Variants in NIPBL observed in about 807,000 individuals in gnomAD.
The protein encoded by NIPBL is NIPBL cohesin loading factor.
Under a neutral mutation model 321.8 loss-of-function variants are expected in NIPBL, and 19 were observed. The ratio of observed to expected loss-of-function variants is 0.06; its 90% CI spans 0.04 to 0.09. The LOEUF (loss-of-function observed/expected upper bound fraction) is 0.09. NIPBL is among the 10% of genes least tolerant of loss of function. The pLI is 1.00. For synonymous variants in NIPBL, 1,106 were observed against 1,114.1 expected (o/e 0.99, Z 0.14); for missense variants, 2,210 against 3,327.0 (o/e 0.66, Z 8.26).
chr5:36,975,130 TAAA>T (rs1214127915), intron 8 of NIPBL, among the ~76,000 whole-genome samples: 1 of 152,002 alleles, frequency 6.6e-6, no homozygotes, highest in African/African-American at 2.4e-5. Flanking sequence ...ATTTTTCTAA[TAAA>T]AAGAGGATTA....
At chr5:36,964,334 A>G (rs566325628) in intron 6 of NIPBL, among the ~76,000 whole-genome samples, 13 of 152,152 alleles carry the variant, frequency 8.5e-5, no homozygotes, top group Non-Finnish European at 1.6e-4. Context: ...GCATCACACT[A>G]CCTGACTTAA....
intron 1 of NIPBL, among the ~76,000 whole-genome samples, chr5:36,923,117 A>T (rs1749078127): frequency 6.6e-6 from 1 of 151,992 alleles, no homozygotes; most frequent in Non-Finnish European, 1.5e-5. Context: ...AAAATTACAA[A>T]ATTTTTGTAA....
intron 16 of NIPBL, among the ~76,000 whole-genome samples, chr5:37,004,056 T>C (rs919588416): frequency 6.6e-6 from 1 of 152,196 alleles, no homozygotes; most frequent in Admixed American, 6.5e-5. Context: ...CATTACTCCT[T>C]ATATACCGTT....
intron 1 of NIPBL, among the ~76,000 whole-genome samples, chr5:36,923,242 G>C (rs931075024): frequency 6.6e-5 from 10 of 151,622 alleles, no homozygotes; most frequent in Admixed American, 6.6e-4. Context: ...GGAGGTGGAG[G>C]TTGCAGTGAG....
intron 34 of NIPBL, among the ~76,000 whole-genome samples, chr5:37,043,017 T>G (rs534143776): frequency 2.7e-4 from 41 of 151,870 alleles, no homozygotes; most frequent in African/African-American, 9.4e-4. Context: ...TACCTTTTGG[T>G]TTTTTTTAAA....
chr5:37,014,171 C>A (rs1346798460), intron 21 of NIPBL, among the ~76,000 whole-genome samples: 1 of 151,948 alleles, frequency 6.6e-6, no homozygotes, highest in Non-Finnish European at 1.5e-5. Context: ...CGTCCAGCTT[C>A]GGCTCGGCAT....
At chr5:36,903,667 A>G (rs2149537038) in intron 1 of NIPBL, among the ~76,000 whole-genome samples, 2 of 152,296 alleles carry the variant, frequency 1.3e-5, no homozygotes, top group African/African-American at 4.8e-5. Context: ...TTGTAGATAA[A>G]TGATGGAGAA....
chr5:37,046,311 G>A (rs2149734008), intron 38 of NIPBL, 112 bp downstream of exon 38: 1 of 703,900 alleles, frequency 1.4e-6, no homozygotes, highest in Non-Finnish European at 2.5e-6. Context: ...ATTAGCAGTA[G>A]GATTTGGTGT....
intron 1 of NIPBL, among the ~76,000 whole-genome samples, chr5:36,896,241 A>G (rs890647536): frequency 6.6e-6 from 1 of 152,210 alleles, no homozygotes; most frequent in Non-Finnish European, 1.5e-5. Context: ...TTGAATGTAA[A>G]TTTAAGAGTT....
intron 20 of NIPBL, among the ~76,000 whole-genome samples, chr5:37,009,704 T>C (rs749066390): frequency 6.6e-6 from 1 of 152,212 alleles, no homozygotes. Context: ...CAGATTTTAA[T>C]ACCAAATGAA....
intron 1 of NIPBL, among the ~76,000 whole-genome samples, chr5:36,881,581 GC>G (rs1329916524): frequency 6.6e-6 from 1 of 151,870 alleles, no homozygotes; most frequent in African/African-American, 2.4e-5. Flanking sequence ...TTAGAAAACT[GC>G]CCATGGTCCT....
intron 1 of NIPBL, among the ~76,000 whole-genome samples, chr5:36,952,161 T>A (rs1230676526): frequency 6.6e-6 from 1 of 151,718 alleles, no homozygotes; most frequent in East Asian, 1.9e-4. Flanking sequence ...AATTCTTAGT[T>A]TTAACTACCC....
At chr5:36,999,224 G>A (rs1746505932) in intron 11 of NIPBL, among the ~76,000 whole-genome samples, 1 of 152,170 alleles carries the variant, frequency 6.6e-6, no homozygotes, top group African/African-American at 2.4e-5. Context: ...CCAAGTAGGG[G>A]ACTTAAGCAA....
chr5:37,057,083 A>T, intron 42 of NIPBL, 103 bp from the exon 43 acceptor site: 1 of 1,109,600 alleles, frequency 9.0e-7, no homozygotes, highest in Middle Eastern at 2.6e-4. Context: ...TCTGTCTAAC[A>T]TTAAGTGAGG....
At chr5:37,007,757 G>A (rs1046580571) in intron 18 of NIPBL, among the ~76,000 whole-genome samples, 3 of 151,878 alleles carry the variant, frequency 2.0e-5, no homozygotes, top group Non-Finnish European at 4.4e-5. Flanking sequence ...ATATTCCTGT[G>A]ACATTTGTAA....
intron 16 of NIPBL, 136 bp from the exon 17 acceptor site, chr5:37,006,221 C>T: frequency 1.5e-6 from 1 of 660,340 alleles, no homozygotes; most frequent in Non-Finnish European, 2.7e-6. Flanking sequence ...ATTTGTACCT[C>T]ATTCTGGATA....
At chr5:36,915,248 C>G (rs1748370870) in intron 1 of NIPBL, among the ~76,000 whole-genome samples, 2 of 151,996 alleles carry the variant, frequency 1.3e-5, no homozygotes, top group Non-Finnish European at 2.9e-5. Context: ...AGTAACATGT[C>G]TCTAAGATAT....
chr5:36,981,813 A>G (rs1010346347), intron 9 of NIPBL, among the ~76,000 whole-genome samples: 1 of 151,774 alleles, frequency 6.6e-6, no homozygotes, highest in Non-Finnish European at 1.5e-5. Flanking sequence ...TTCTTGCACT[A>G]TAGCCCTTGT....
rs186897201 is a variant in NIPBL, at chr5:37,021,037, G to A, written c.5328+160G>A. ...TCTCCGGCCGGGTGTAGTGGCTCAC[G>A]CCTGTAATCCCAACACTTTGGGAAG... On this transcript the variant is annotated intron_variant, in intron 27 of 46. Transcript: ENST00000282516. Among the ~76,000 whole-genome samples, 23 of 152,348 alleles carry A rather than the reference G, an allele frequency of 1.5e-4. No homozygotes were observed. The East Asian group carries it at 3.3e-3, about 22-fold the overall frequency.
Sources: allele counts gnomAD v4.1 joint callset (sites outside exome capture counted in the v4.1 genomes callset), GRCh38; gene constraint gnomAD v4.1.1; transcripts MANE v1.5; gene names NCBI Gene and HGNC (gene_info 2026-07-23, HGNC 2026-07-21).